Variants in LRRC49 observed in about 807,000 individuals in gnomAD.
LRRC49 encodes the protein leucine-rich repeat-containing protein 49.
In LRRC49, 50 loss-of-function variants were observed where a neutral mutation model predicts 83.3. The ratio of observed to expected loss-of-function variants is 0.60; its 90% confidence interval spans 0.48 to 0.76. The LOEUF is 0.76. Ranked by LOEUF, LRRC49 falls within the 30% of genes least tolerant of loss-of-function variation. LRRC49 has a pLI of 0.00. For missense variants in LRRC49, 704 were observed against 809.1 expected (o/e 0.87, Z 1.58); for synonymous variants, 286 against 283.3 (o/e 1.01, Z -0.10).
chr15:70,959,540 A>G (rs1468763271), intron 8 of LRRC49, among the ~76,000 whole-genome samples: 1 of 7,406 alleles, frequency 1.4e-4, no homozygotes, highest in Non-Finnish European at 5.6e-4. Context: ...AAAGGAGGGA[A>G]GGAAGGAAGG....
Position 71,024,469 on chromosome 15 carries a change from C to T in LRRC49, c.1703+11556C>T, listed in dbSNP as rs142147773. Among the ~76,000 whole-genome samples the T allele has an allele frequency of 7.0e-3, 1,062 of 152,212 alleles. 13 individuals carry two copies. Among genetic ancestry groups the T allele is most frequent in the African/African-American group, 0.025 (1,024 of 41,532 alleles). ...GACACCTCCAAGTGCAGGAGGGACC[C>T]AGTTGAATAGTGTCTGGAGTGGACC... On this transcript the variant is annotated intron_variant, in intron 14 of 15. Transcript: ENST00000260382.
At chr15:70,977,584 G>T (rs900231242) in intron 9 of LRRC49, among the ~76,000 whole-genome samples, 2 of 152,152 alleles carry the variant, frequency 1.3e-5, no homozygotes, top group African/African-American at 2.4e-5. Flanking sequence ...GGCGGAGGTT[G>T]CAGTGAGCTG....
At chr15:70,854,159 C>G in intron 1 of LRRC49, 2 of 1,118,236 alleles carry the variant, frequency 1.8e-6, no homozygotes, top group Non-Finnish European at 2.2e-6. Context: ...GCAGCGACTG[C>G]GACGAGGGGG....
chr15:70,864,941 T>A (rs533338057), intron 1 of LRRC49, among the ~76,000 whole-genome samples: 1 of 152,268 alleles, frequency 6.6e-6, no homozygotes, highest in East Asian at 1.9e-4. Flanking sequence ...AGTGCCAAAT[T>A]TGGGGCACTA....
intron 15 of LRRC49, among the ~76,000 whole-genome samples, chr15:71,048,330 A>T (rs1355752892): frequency 6.6e-6 from 1 of 151,830 alleles, no homozygotes; most frequent in African/African-American, 2.4e-5. Context: ...CTTGGCCTTA[A>T]GCGATCCTCC....
Position 70,900,979 on chromosome 15 carries a change from C to A in LRRC49, c.251C>A (p.Ser84Tyr), listed in dbSNP as rs150271201. 6 of 1,610,736 alleles carry A rather than the reference C, an allele frequency of 3.7e-6. No individual in the cohort carries two copies. Among genetic ancestry groups the A allele is most frequent in the Non-Finnish European group, 5.1e-6 (6 of 1,178,202 alleles). The change falls in exon 4 of 16, where the codon TCT becomes TAT. Residue 84 changes from serine to tyrosine, a missense_variant. Transcript: ENST00000260382. The stretch of plus-strand genomic sequence containing the variant: ...TCATCATTTCCTATTCTTCAACGTT[C>A]TTCTGAAGAGAAAATTCTTTACTCA... The part of the protein sequence containing the change: ...SLSSFPILQR[S>Y]SEEKILYSDR...
chr15:70,943,530 C>A (rs1357070498), intron 8 of LRRC49, among the ~76,000 whole-genome samples: 2 of 152,176 alleles, frequency 1.3e-5, no homozygotes, highest in Admixed American at 6.5e-5. Context: ...TCCCCTGATT[C>A]TTCCCTTGCA....
intron 11 of LRRC49, among the ~76,000 whole-genome samples, chr15:70,994,413 ACTGTT>A (rs1741208000): frequency 2.0e-5 from 3 of 152,094 alleles, no homozygotes; most frequent in Non-Finnish European, 4.4e-5. Context: ...ATAGGTTTCC[ACTGTT>A]CTTTTCAAGT....
chr15:70,940,391 G>A (rs1270523337), intron 8 of LRRC49, among the ~76,000 whole-genome samples: 1 of 152,056 alleles, frequency 6.6e-6, no homozygotes, highest in Non-Finnish European at 1.5e-5. Flanking sequence ...TGAGTAGTTG[G>A]GACTACAGGC....
intron 14 of LRRC49, among the ~76,000 whole-genome samples, chr15:71,025,184 G>A (rs561510664): frequency 1.5e-4 from 23 of 152,228 alleles, no homozygotes; most frequent in Admixed American, 2.6e-4. Context: ...TTCATATTCA[G>A]GAAATCCAGA....
chr15:70,873,244 G>T, intron 2 of LRRC49: 1 of 1,535,612 alleles, frequency 6.5e-7, no homozygotes, highest in Non-Finnish European at 8.7e-7. Context: ...ACTTTCAGTT[G>T]ACATAATTTT....
chr15:70,878,751 A>G (rs533191662), intron 2 of LRRC49, among the ~76,000 whole-genome samples: 6 of 152,338 alleles, frequency 3.9e-5, no homozygotes, highest in Non-Finnish European at 7.3e-5. Flanking sequence ...ATGGTGAATT[A>G]CATTGATTGG....
chr15:70,886,195 A>C (rs2033403574), intron 2 of LRRC49, among the ~76,000 whole-genome samples: 1 of 152,186 alleles, frequency 6.6e-6, no homozygotes, highest in Admixed American at 6.5e-5. Flanking sequence ...GGGACTTATA[A>C]TCTTTAATGC....
chr15:70,951,585 C>T (rs190795361), intron 8 of LRRC49, among the ~76,000 whole-genome samples: 139 of 152,134 alleles, frequency 9.1e-4, no homozygotes, highest in South Asian at 5.4e-3. Flanking sequence ...TATAGAAATG[C>T]TACTGATTTT....
rs1486828926 is a variant in LRRC49, at chr15:71,050,505, G to A, written c.*893G>A. On this transcript the variant is annotated 3_prime_UTR_variant, in exon 16 of 16. Transcript: ENST00000260382. The stretch of plus-strand genomic sequence containing the variant: ...CATGCTGGTGAGAAGGGTAGTAGGA[G>A]CCTATTACCATAGCTAGAGATGATG... The A allele has an allele frequency of 6.6e-6, 1 of 152,158 alleles. No individual in the cohort carries two copies. Among genetic ancestry groups the A allele is most frequent in the Non-Finnish European group, 1.5e-5 (1 of 68,030 alleles). 9.4% of individuals were successfully genotyped at this position (152,158 alleles called of 1,614,324 possible).
At chr15:71,034,288 C>G (rs2039451414) in intron 14 of LRRC49, among the ~76,000 whole-genome samples, 1 of 152,106 alleles carries the variant, frequency 6.6e-6, no homozygotes, top group Non-Finnish European at 1.5e-5. Flanking sequence ...AAAAAAAGGT[C>G]GACATCACTG....
intron 1 of LRRC49, chr15:70,859,429 C>A: frequency 1.4e-6 from 1 of 738,938 alleles, no homozygotes; most frequent in South Asian, 1.4e-5. Context: ...AGTCCCACAT[C>A]TCGGACATAT....
chr15:70,991,981 C>T (rs575087676), intron 11 of LRRC49, among the ~76,000 whole-genome samples: 1 of 152,192 alleles, frequency 6.6e-6, no homozygotes, highest in South Asian at 2.1e-4. Flanking sequence ...TAACTTATAT[C>T]AGTGTATTTC....
intron 1 of LRRC49, among the ~76,000 whole-genome samples, chr15:70,853,711 C>T (rs978956920): frequency 4.6e-5 from 7 of 152,140 alleles, no homozygotes; most frequent in African/African-American, 1.2e-4. Context: ...GCTGGGGCAC[C>T]GGCTGCCTCC....
Sources: gnomAD v4.1 joint callset for allele counts (sites outside exome capture counted in the v4.1 genomes callset) on GRCh38, gnomAD v4.1.1 for gene constraint, MANE v1.5 for transcripts, NCBI Gene and HGNC (gene_info 2026-07-23, HGNC 2026-07-21) for gene names.